DLG2: variants seen among roughly 807,000 people sequenced by gnomAD.
The protein encoded by DLG2 is discs large MAGUK scaffold protein 2, also known as disks large homolog 2.
A neutral mutation model predicts 132.5 loss-of-function variants in DLG2; 45 were observed. The observed-to-expected ratio is 0.34, with a 90% CI of 0.27 to 0.44. The LOEUF (loss-of-function observed/expected upper bound fraction) is 0.44. DLG2 is among the 20% of genes least tolerant of loss of function. DLG2 has a pLI of 1.00. For missense variants in DLG2, 1,045 were observed against 1,196.9 expected, an observed-to-expected ratio of 0.87 and a Z score of 1.87; for synonymous variants, 424 against 419.6, an observed-to-expected ratio of 1.01 and a Z score of -0.13.
chr11:85,621,939 C>T (rs914642260), intron 2 of DLG2, among the ~76,000 whole-genome samples: 2 of 152,132 alleles, frequency 1.3e-5, no homozygotes, highest in South Asian at 4.1e-4. Context: ...GCATCTCATG[C>T]TACAGAGAAA....
chr11:84,023,393 G>A (rs904050886), intron 11 of DLG2, among the ~76,000 whole-genome samples: 4 of 152,082 alleles, frequency 2.6e-5, no homozygotes, highest in African/African-American at 9.7e-5. Flanking sequence ...TATAGATAAT[G>A]TTGTTTCTAT....
At chr11:85,408,624 C>G (rs546454183) in intron 3 of DLG2, among the ~76,000 whole-genome samples, 1 of 147,134 alleles carries the variant, frequency 6.8e-6, no homozygotes. Flanking sequence ...TCAATTCCCA[C>G]CTATGAGTGA....
chr11:85,488,205 GT>G (rs1235858563), intron 3 of DLG2, among the ~76,000 whole-genome samples: 3 of 152,026 alleles, frequency 2.0e-5, no homozygotes, highest in African/African-American at 7.2e-5. Flanking sequence ...TCTGGTGAAT[GT>G]GGTGAAACCC....
At chr11:85,423,436 G>C (rs1345777736) in intron 3 of DLG2, among the ~76,000 whole-genome samples, 1 of 152,202 alleles carries the variant, frequency 6.6e-6, no homozygotes, top group African/African-American at 2.4e-5. Context: ...TTTCCAGAGA[G>C]TATCAGCTGT....
intron 6 of DLG2, among the ~76,000 whole-genome samples, chr11:85,100,558 A>C (rs907652511): frequency 3.3e-5 from 5 of 152,126 alleles, no homozygotes; most frequent in Non-Finnish European, 7.3e-5. Context: ...TCAAAAGAAC[A>C]AAGATTTATC....
At chr11:85,432,080 G>A (rs1357694274) in intron 3 of DLG2, among the ~76,000 whole-genome samples, 1 of 152,164 alleles carries the variant, frequency 6.6e-6, no homozygotes. Flanking sequence ...CTACCGAAGA[G>A]GAACCTGACT....
intron 6 of DLG2, among the ~76,000 whole-genome samples, chr11:84,926,615 G>T (rs2154087745): frequency 6.6e-6 from 1 of 151,882 alleles, no homozygotes; most frequent in Non-Finnish European, 1.5e-5. Context: ...CTGTGCATGT[G>T]TGAAATTTTA....
intron 8 of DLG2, among the ~76,000 whole-genome samples, chr11:84,177,192 T>A (rs1485183414): frequency 6.6e-6 from 1 of 152,124 alleles, no homozygotes; most frequent in Non-Finnish European, 1.5e-5. Flanking sequence ...CTGCTTAGGA[T>A]GGTCTTGCTT....
chr11:83,999,614 C>T (rs933820488), intron 11 of DLG2, among the ~76,000 whole-genome samples: 1 of 152,070 alleles, frequency 6.6e-6, no homozygotes, highest in African/African-American at 2.4e-5. Context: ...GGCTCAAGAA[C>T]AGACATGCTC....
rs146905272 is a variant in DLG2 at position 84,993,039 on chromosome 11, T to A, written c.357+118622A>T. ...TGGAACCAACCCAAATGCCCATCAA[T>A]GATAGACTGGATAAAGCAAATGTGG... On this transcript the variant is annotated intron_variant, in intron 6 of 27. Transcript: ENST00000376104. Among the ~76,000 whole-genome samples, 276 of 152,318 alleles carry A rather than the reference T, an allele frequency of 1.8e-3. 4 individuals carry two copies. Among genetic ancestry groups the A allele is most frequent in the Admixed American group, 0.017 (261 of 15,304 alleles).
intron 3 of DLG2, among the ~76,000 whole-genome samples, chr11:85,313,147 TA>T: frequency 6.6e-6 from 1 of 151,860 alleles, no homozygotes; most frequent in East Asian, 1.9e-4. Flanking sequence ...AATAAATTTT[TA>T]AAAAAGGGGA....
intron 10 of DLG2, among the ~76,000 whole-genome samples, chr11:84,072,457 G>C (rs1449906271): frequency 6.6e-6 from 1 of 152,224 alleles, no homozygotes; most frequent in Non-Finnish European, 1.5e-5. Context: ...GCTATGGCAA[G>C]AGAAATACAG....
chr11:84,051,905 G>C (rs887082276), intron 11 of DLG2, among the ~76,000 whole-genome samples: 4 of 151,788 alleles, frequency 2.6e-5, no homozygotes, highest in Admixed American at 2.0e-4. Flanking sequence ...GCAAAGAAGA[G>C]AGAACCAAAA....
intron 7 of DLG2, among the ~76,000 whole-genome samples, chr11:84,293,605 C>T (rs144886103): frequency 0.026 from 3,972 of 152,128 alleles, 75 homozygotes; most frequent in African/African-American, 0.05. Context: ...ACCTGGGATG[C>T]GGAGGTTGCA....
intron 2 of DLG2, among the ~76,000 whole-genome samples, chr11:85,601,034 C>T (rs2080118484): frequency 6.6e-6 from 1 of 152,078 alleles, no homozygotes; most frequent in East Asian, 1.9e-4. Context: ...CAGCAGCATA[C>T]CATTATGTAG....
chr11:85,311,748 G>T (rs1001547805), intron 3 of DLG2, among the ~76,000 whole-genome samples: 1 of 151,982 alleles, frequency 6.6e-6, no homozygotes, highest in Non-Finnish European at 1.5e-5. Context: ...AAATATTGAA[G>T]ATAGCTCAGA....
chr11:84,036,185 C>T (rs990654569), intron 11 of DLG2, among the ~76,000 whole-genome samples: 8 of 151,840 alleles, frequency 5.3e-5, no homozygotes, highest in Admixed American at 3.3e-4. Flanking sequence ...ACTGAATCTT[C>T]GGGAACTCTA....
In DLG2 at chr11:83,466,822, T is replaced by G; in HGVS notation, c.2620-5A>C. The G allele has an allele frequency of 6.3e-7, 1 of 1,598,460 alleles. No individual in the cohort carries two copies. The highest frequency in any genetic ancestry group is 8.6e-7 in the Non-Finnish European group (1 of 1,165,952). On this transcript the variant is annotated splice_region_variant and splice_polypyrimidine_tract_variant and intron_variant, in intron 25 of 27. Coordinates refer to ENST00000376104, the MANE Select transcript of DLG2 (RefSeq NM_001142699.3). ...ATCAAGTATACAGTGTTTGCCCTGG[T>G]AGAAAGAGAAGAAAAATATGAAGTT...
At chr11:84,586,150 C>CA (rs71036429) in intron 6 of DLG2, among the ~76,000 whole-genome samples, 115,176 of 133,268 alleles carry the variant, frequency 0.86, 49,022 homozygotes, top group East Asian at 0.98. Flanking sequence ...GATTCTGACT[C>CA]AAAAAAAAAA....
Sources: allele counts gnomAD v4.1 joint callset (sites outside exome capture counted in the v4.1 genomes callset), GRCh38; gene constraint gnomAD v4.1.1; transcripts MANE v1.5; gene names NCBI Gene and HGNC (gene_info 2026-07-23, HGNC 2026-07-21).